ERCC1: variants seen among roughly 807,000 people sequenced by gnomAD.
ERCC1 encodes ERCC excision repair 1, endonuclease non-catalytic subunit.
A neutral mutation model predicts 37.6 loss-of-function variants in ERCC1; 36 were observed. The ratio of observed to expected loss-of-function variants is 0.96; its 90% CI spans 0.73 to 1.26. The LOEUF is 1.26. Among genes scored for constraint, ERCC1 ranks in the 50% most tolerant of loss-of-function variants. The pLI, the probability that ERCC1 is intolerant of heterozygous loss-of-function variation, is 0.00. For missense variants in ERCC1, 349 were observed against 376.5 expected (o/e 0.93, Z 0.60); for synonymous variants, 156 against 162.1 (o/e 0.96, Z 0.28).
intron 1 of ERCC1, among the ~76,000 whole-genome samples, chr19:45,448,164 G>A (rs1568603457): frequency 6.6e-6 from 1 of 152,172 alleles, no homozygotes; most frequent in South Asian, 2.1e-4. Flanking sequence ...AAGCCATCGC[G>A]CCCGGTCGTC....
chr19:45,410,006 C>T (rs1973612718), intron 9 of ERCC1: 1 of 167,610 alleles, frequency 6.0e-6, no homozygotes, highest in South Asian at 1.9e-4. Flanking sequence ...ATTCTCCTGC[C>T]TCAGCCTCCT....
chr19:45,413,858 G>C, intron 8 of ERCC1, 105 bp downstream of exon 8: 1 of 1,577,146 alleles, frequency 6.3e-7, no homozygotes, highest in Non-Finnish European at 8.7e-7. Flanking sequence ...TGGGAAGGCA[G>C]GACGGGCAAG....
chr19:45,426,834 C>T (rs1238460096), upstream of ERCC1, among the ~76,000 whole-genome samples: 3 of 151,822 alleles, frequency 2.0e-5, no homozygotes, highest in Non-Finnish European at 4.4e-5. Context: ...GTAGCTCATG[C>T]CTGTAATCCC....
intron 5 of ERCC1, among the ~76,000 whole-genome samples, 156 bp from the exon 6 acceptor site, chr19:45,417,053 C>T (rs777862395): frequency 2.6e-5 from 4 of 151,456 alleles, no homozygotes; most frequent in Admixed American, 6.6e-5. Context: ...GCCAAGATCG[C>T]GCCACTGCAC....
chr19:45,430,843 T>C (rs1481376102), intron 1 of ERCC1, among the ~76,000 whole-genome samples: 3 of 151,688 alleles, frequency 2.0e-5, no homozygotes, highest in Non-Finnish European at 4.4e-5. Context: ...GGAGATGAAG[T>C]TTGCAGTGAG....
chr19:45,423,507 C>T, intron 1 of ERCC1, 126 bp from the exon 2 acceptor site: 1 of 1,488,212 alleles, frequency 6.7e-7, no homozygotes, highest in Non-Finnish European at 8.9e-7. Context: ...AGGTCCCCAA[C>T]ACCCAGCGCT....
chr19:45,442,157 T>A (rs7254320), intron 1 of ERCC1, among the ~76,000 whole-genome samples: 50 of 142,900 alleles, frequency 3.5e-4, no homozygotes, highest in African/African-American at 8.0e-4. Context: ...GGGAAAAAAA[T>A]TTTTTTTAAT....
chr19:45,439,572 A>G (rs1384301382), intron 1 of ERCC1, among the ~76,000 whole-genome samples: 2 of 152,178 alleles, frequency 1.3e-5, no homozygotes, highest in African/African-American at 4.8e-5. Flanking sequence ...AAATGAATAG[A>G]TAAGCTGAGA....
At chr19:45,447,563 C>T (rs1478556164) in intron 1 of ERCC1, among the ~76,000 whole-genome samples, 1 of 152,038 alleles carries the variant, frequency 6.6e-6, no homozygotes, top group East Asian at 1.9e-4. Flanking sequence ...GCGTGAACCA[C>T]TGTGCCGGGC....
intron 2 of ERCC1, among the ~76,000 whole-genome samples, chr19:45,422,455 GC>G (rs1404222632): frequency 1.3e-5 from 2 of 151,926 alleles, no homozygotes; most frequent in African/African-American, 4.8e-5. Context: ...CCTCAGAGAG[GC>G]CCTCCCTTGA....
chr19:45,435,800 AC>A (rs1974960595), intron 1 of ERCC1, among the ~76,000 whole-genome samples: 1 of 151,878 alleles, frequency 6.6e-6, no homozygotes, highest in South Asian at 2.1e-4. Flanking sequence ...TCACTCTGTC[AC>A]CCAGGGTGGA....
intron 4 of ERCC1, among the ~76,000 whole-genome samples, chr19:45,419,999 T>A (rs1409578219): frequency 2.1e-5 from 1 of 47,836 alleles, no homozygotes; most frequent in Admixed American, 2.6e-4. Context: ...CAGCCCCTCC[T>A]GCCTCAGACC....
At position 45,408,841 on chromosome 19, in the gene ERCC1, G is replaced by A; in HGVS notation, c.*834C>T. On this transcript the variant is annotated 3_prime_UTR_variant, in exon 10 of 10. Coordinates refer to ENST00000300853, the MANE Select transcript of ERCC1 (RefSeq NM_001983.4). ...TCCTGTCCCCGACCAAAAAGAGAAA[G>A]AGGCAAAAGGGGACGGAAGGGATGG... The A allele has an allele frequency of 6.2e-7, 1 of 1,614,178 alleles. No homozygotes were observed. Among genetic ancestry groups the A allele is most frequent in the Non-Finnish European group, 8.5e-7 (1 of 1,180,034 alleles).
chr19:45,413,645 C>G lies in ERCC1; in HGVS notation c.843+32G>C, dbSNP rs116640350. 1.9e-6 allele frequency: 3 copies of G among 1,614,124 alleles called. No individual in the cohort carries two copies. The highest frequency in any genetic ancestry group is 3.3e-5 in the Admixed American group (2 of 60,000). On this transcript the variant is annotated intron_variant, in intron 9 of 9. Coordinates refer to ENST00000300853, the MANE Select transcript of ERCC1 (RefSeq NM_001983.4). ...TTTATTTGGGGCTCTCTCCTTCCCCCAACTCCTTGGGTTCTTTCCCAGAGC... is the reference window on the plus strand; with the variant it reads ...TTTATTTGGGGCTCTCTCCTTCCCCGAACTCCTTGGGTTCTTTCCCAGAGC...
intron 1 of ERCC1, among the ~76,000 whole-genome samples, chr19:45,441,071 T>A (rs146920078): frequency 6.6e-6 from 1 of 152,258 alleles, no homozygotes; most frequent in Admixed American, 6.5e-5. Flanking sequence ...CCCTTGCAAG[T>A]CAGTGATTGG....
At chr19:45,438,454 T>G (rs1975038340) in intron 1 of ERCC1, among the ~76,000 whole-genome samples, 1 of 151,488 alleles carries the variant, frequency 6.6e-6, no homozygotes, top group African/African-American at 2.4e-5. Context: ...TTTTATGTGT[T>G]TGTTTGTTTG....
intron 1 of ERCC1, among the ~76,000 whole-genome samples, chr19:45,440,233 C>T (rs1011280542): frequency 3.3e-5 from 5 of 151,820 alleles, no homozygotes; most frequent in Non-Finnish European, 7.4e-5. Flanking sequence ...TAACTCCCCC[C>T]TCCCCTACAC....
At position 45,408,577 on chromosome 19, in the gene ERCC1, G is replaced by A; in HGVS notation, c.*1098C>T. On this transcript the variant is annotated 3_prime_UTR_variant, in exon 10 of 10. Transcript: ENST00000300853. Reference sequence around the variant, plus strand: ...GGGCCCTGGAGGTGGACATGGCTTTGGGGTCGCCAGAAATGGATGTGCGGA... The same window carrying A: ...GGGCCCTGGAGGTGGACATGGCTTTAGGGTCGCCAGAAATGGATGTGCGGA... The A allele has an allele frequency of 6.2e-7, 1 of 1,613,870 alleles. No homozygotes were observed. Among genetic ancestry groups the A allele is most frequent in the East Asian group, 2.2e-5 (1 of 44,878 alleles).
intron 1 of ERCC1, among the ~76,000 whole-genome samples, chr19:45,442,594 G>A (rs1304983467): frequency 6.6e-6 from 1 of 152,146 alleles, no homozygotes; most frequent in East Asian, 1.9e-4. Flanking sequence ...TTGGAGAGGT[G>A]CAAGGATGTG....
Sources: gnomAD v4.1 joint callset for allele counts (sites outside exome capture counted in the v4.1 genomes callset) on GRCh38, gnomAD v4.1.1 for gene constraint, MANE v1.5 for transcripts, NCBI Gene and HGNC (gene_info 2026-07-23, HGNC 2026-07-21) for gene names.